Variants in PIK3C2G observed in about 807,000 individuals in gnomAD.
PIK3C2G encodes the protein phosphatidylinositol-4-phosphate 3-kinase catalytic subunit type 2 gamma, also known as phosphatidylinositol 3-kinase C2 domain-containing subunit gamma.
Under a neutral mutation model 181.1 loss-of-function variants are expected in PIK3C2G, and 168 were observed. The ratio of observed to expected loss-of-function variants is 0.93; its 90% CI spans 0.82 to 1.05. The LOEUF (loss-of-function observed/expected upper bound fraction) is 1.05, where lower values mean the gene tolerates loss of function less well. PIK3C2G is among the 50% of genes least tolerant of loss of function. The pLI is 0.00. For synonymous variants in PIK3C2G, 573 were observed against 592.2 expected, an observed-to-expected ratio of 0.97 and a Z score of 0.47; for missense variants, 1,869 against 1,732.8, an observed-to-expected ratio of 1.08 and a Z score of -1.40.
intron 18 of PIK3C2G, among the ~76,000 whole-genome samples, chr12:18,465,146 T>C (rs1180427517): frequency 6.6e-6 from 1 of 151,928 alleles, no homozygotes; most frequent in Admixed American, 6.6e-5. Context: ...GCCCTTTGAA[T>C]ACCTCAGTCA....
chr12:18,512,806 T>C (rs1258182189), intron 24 of PIK3C2G, among the ~76,000 whole-genome samples: 1 of 151,976 alleles, frequency 6.6e-6, no homozygotes, highest in Non-Finnish European at 1.5e-5. Context: ...CTTGCCTAAC[T>C]GCTCTGGCAA....
chr12:18,380,237 C>G (rs1942747061), intron 13 of PIK3C2G, among the ~76,000 whole-genome samples: 1 of 152,170 alleles, frequency 6.6e-6, no homozygotes, highest in African/African-American at 2.4e-5. Flanking sequence ...ACTTCTCACC[C>G]TCCCAAATTC....
chr12:18,606,604 T>C (rs1194149582), intron 30 of PIK3C2G, among the ~76,000 whole-genome samples: 1 of 152,120 alleles, frequency 6.6e-6, no homozygotes, highest in East Asian at 1.9e-4. Context: ...TCATACAATG[T>C]ATAAATTATT....
rs1941684141 is a variant in PIK3C2G at position 18,366,896 on chromosome 12, G to A, written c.1748+4010G>A. On this transcript the variant is annotated intron_variant, in intron 12 of 32. Coordinates refer to ENST00000538779, the MANE Select transcript of PIK3C2G (RefSeq NM_001288772.2). Reference sequence around the variant, plus strand: ...ATTATTCTGGCTTTAAAAATTCATAGGTATTAAAGAATGGATAAATAACTC... The same window carrying A: ...ATTATTCTGGCTTTAAAAATTCATAAGTATTAAAGAATGGATAAATAACTC... 3.9e-5 allele frequency among the ~76,000 whole-genome samples: 6 copies of A among 152,026 alleles called. No homozygotes were observed. The South Asian group carries it at 1.2e-3, about 32-fold the overall frequency.
rs1278842989 is a variant in PIK3C2G, at chr12:18,363,061, T to C, written c.1748+175T>C. The stretch of plus-strand genomic sequence containing the variant: ...ATAACTGATTGTTCAATTCAACAGA[T>C]TAAAAGTCCATTTAGAAACCTAGAC... On this transcript the variant is annotated intron_variant, in intron 12 of 32. Coordinates refer to ENST00000538779, the MANE Select transcript of PIK3C2G (RefSeq NM_001288772.2). 9 of 475,152 alleles carry C rather than the reference T, an allele frequency of 1.9e-5. No homozygotes were observed. The Admixed American group carries it at 3.2e-4, about 17-fold the overall frequency. 29.4% of individuals were successfully genotyped at this position (475,152 alleles called of 1,614,324 possible). A position where few individuals can be genotyped will look rare whatever the true frequency, so the allele number is the denominator to read the frequency against.
At chr12:18,700,746 CAATT>C in the PIK3C2G span, among the ~76,000 whole-genome samples, 3 of 151,676 alleles carry the variant, frequency 2.0e-5, no homozygotes, top group Non-Finnish European at 4.4e-5. Flanking sequence ...CTATGTAGGC[CAATT>C]AATTAATTAT....
intron 18 of PIK3C2G, among the ~76,000 whole-genome samples, chr12:18,470,826 A>G (rs1317658556): frequency 6.6e-6 from 1 of 152,174 alleles, no homozygotes; most frequent in African/African-American, 2.4e-5. Flanking sequence ...AGTTCACATC[A>G]ACAGGAGAAT....
At chr12:18,296,179 G>A (rs372099710) in intron 5 of PIK3C2G, among the ~76,000 whole-genome samples, 3 of 152,018 alleles carry the variant, frequency 2.0e-5, no homozygotes, top group African/African-American at 4.8e-5. Flanking sequence ...CAGGGTTAGT[G>A]AAGTATTACA....
intron 20 of PIK3C2G, among the ~76,000 whole-genome samples, chr12:18,495,198 A>T (rs1395492882): frequency 6.6e-6 from 1 of 152,112 alleles, no homozygotes; most frequent in Non-Finnish European, 1.5e-5. Context: ...GAAAGCATAG[A>T]GTCTTTTTCC....
chr12:18,649,069 A>G (rs1389630842), downstream of PIK3C2G, among the ~76,000 whole-genome samples: 2 of 152,114 alleles, frequency 1.3e-5, no homozygotes, highest in African/African-American at 4.8e-5. Flanking sequence ...ATACGTGATC[A>G]TGCAAGTCAA....
chr12:18,506,581 A>G (rs959082054), intron 24 of PIK3C2G, among the ~76,000 whole-genome samples: 1 of 152,226 alleles, frequency 6.6e-6, no homozygotes, highest in Non-Finnish European at 1.5e-5. Flanking sequence ...ACAGAAGGTC[A>G]GAGAAGAAAA....
At chr12:18,258,154 C>A (rs1206082538), upstream of PIK3C2G, among the ~76,000 whole-genome samples, 1 of 152,100 alleles carries the variant, frequency 6.6e-6, no homozygotes, top group Non-Finnish European at 1.5e-5. Flanking sequence ...ATGAAAATGA[C>A]AGATGATTGT....
At chr12:18,320,401 T>C (rs1951056683) in intron 6 of PIK3C2G, among the ~76,000 whole-genome samples, 1 of 152,214 alleles carries the variant, frequency 6.6e-6, no homozygotes, top group African/African-American at 2.4e-5. Flanking sequence ...AGTTCATGCT[T>C]ATGTAGGAAG....
the PIK3C2G span, among the ~76,000 whole-genome samples, chr12:18,674,327 T>A: frequency 6.6e-6 from 1 of 152,188 alleles, no homozygotes; most frequent in Non-Finnish European, 1.5e-5. Context: ...ACCTTCACAC[T>A]ATCCTCTGGT....
the PIK3C2G span, among the ~76,000 whole-genome samples, chr12:18,710,824 C>G: frequency 6.6e-6 from 1 of 152,090 alleles, no homozygotes; most frequent in African/African-American, 2.4e-5. Flanking sequence ...CAAATCAAAA[C>G]CACAATGAGA....
chr12:18,541,555 A>G lies in PIK3C2G; in HGVS notation c.3480+3243A>G, dbSNP rs181947870. ...GATATTTCCCATCAGAGATCTTCCT[A>G]ACTTCTCTATGTGATGGGGAAGAGT... is the stretch of plus-strand genomic sequence containing the variant. On this transcript the variant is annotated intron_variant, in intron 25 of 32. Coordinates refer to ENST00000538779, the MANE Select transcript of PIK3C2G (RefSeq NM_001288772.2). Among the ~76,000 whole-genome samples the G allele has an allele frequency of 1.8e-4, 28 of 152,036 alleles. No individual in the cohort carries two copies. The East Asian group carries it at 3.7e-3, about 20-fold the overall frequency.
chr12:18,511,939 A>G (rs1223856156), intron 24 of PIK3C2G, among the ~76,000 whole-genome samples: 2 of 152,052 alleles, frequency 1.3e-5, no homozygotes, highest in African/African-American at 4.8e-5. Flanking sequence ...TAGCAGTTTT[A>G]TAGTTTCAAG....
intron 29 of PIK3C2G, among the ~76,000 whole-genome samples, chr12:18,588,241 A>G (rs1946893360): frequency 2.6e-5 from 4 of 152,198 alleles, no homozygotes; most frequent in Admixed American, 2.6e-4. Flanking sequence ...AAAAGGAAAA[A>G]TTGAGAAATG....
Position 18,625,555 on chromosome 12 carries a change from T to A in PIK3C2G, c.4183-14874T>A, listed in dbSNP as rs757783659. On this transcript the variant is annotated intron_variant, in intron 31 of 32. Transcript: ENST00000538779. The stretch of plus-strand genomic sequence containing the variant: ...GCGTCCTTTTGGTCTAAAGTGTTGT[T>A]CAAATTCAGTGTTTCCTTATTAATT... Among the ~76,000 whole-genome samples the A allele has an allele frequency of 1.8e-4, 28 of 151,864 alleles. 1 individual carries two copies. Among genetic ancestry groups the A allele is most frequent in the South Asian group, 6.2e-4 (3 of 4,826 alleles).
Sources: allele counts gnomAD v4.1 joint callset (sites outside exome capture counted in the v4.1 genomes callset), GRCh38; gene constraint gnomAD v4.1.1; transcripts MANE v1.5; gene names NCBI Gene and HGNC (gene_info 2026-07-23, HGNC 2026-07-21).